Variants in LRRC4C observed in about 807,000 individuals in gnomAD.
LRRC4C encodes leucine-rich repeat-containing protein 4C.
Under a neutral mutation model 33.6 loss-of-function variants are expected in LRRC4C, and 5 were observed. The ratio of observed to expected loss-of-function variants is 0.15; its 90% CI spans 0.08 to 0.31. The LOEUF (loss-of-function observed/expected upper bound fraction) is 0.31, where lower values mean the gene tolerates loss of function less well. LRRC4C is among the 10% of genes least tolerant of loss of function. LRRC4C has a pLI of 1.00. For synonymous variants in LRRC4C, 329 were observed against 302.0 expected (o/e 1.09, Z -0.93); for missense variants, 560 against 796.7 (o/e 0.70, Z 3.58).
At chr11:40,330,295 T>C (rs1946301232) in intron 3 of LRRC4C, among the ~76,000 whole-genome samples, 1 of 152,188 alleles carries the variant, frequency 6.6e-6, no homozygotes, top group Non-Finnish European at 1.5e-5. Context: ...AAGTTAGCAT[T>C]AAAAATGTAG....
chr11:40,965,630 T>C (rs1366409565), intron 1 of LRRC4C, among the ~76,000 whole-genome samples: 1 of 152,174 alleles, frequency 6.6e-6, no homozygotes, highest in East Asian at 1.9e-4. Flanking sequence ...TAGGGAATCC[T>C]TTCCCCATTG....
chr11:41,058,411 C>T (rs1334386493), intron 1 of LRRC4C, among the ~76,000 whole-genome samples: 1 of 152,226 alleles, frequency 6.6e-6, no homozygotes. Context: ...CTCACTCATG[C>T]ACCCCTTACT....
chr11:40,863,807 A>G (rs1436233253), intron 2 of LRRC4C, among the ~76,000 whole-genome samples: 5 of 152,180 alleles, frequency 3.3e-5, no homozygotes, highest in African/African-American at 1.2e-4. Flanking sequence ...TAATTTTTCA[A>G]AAAGATATTT....
intron 1 of LRRC4C, among the ~76,000 whole-genome samples, chr11:41,061,896 G>C (rs1429229752): frequency 1.3e-5 from 2 of 152,124 alleles, no homozygotes; most frequent in Non-Finnish European, 2.9e-5. Flanking sequence ...CCTACCCTTG[G>C]AAGGTCTAAC....
chr11:41,035,528 G>C (rs1027121132), intron 1 of LRRC4C, among the ~76,000 whole-genome samples: 4 of 152,162 alleles, frequency 2.6e-5, no homozygotes, highest in Non-Finnish European at 4.4e-5. Flanking sequence ...ATGGCTTCCA[G>C]CTCCATCCAT....
chr11:40,486,765 C>G (rs1226438485), intron 3 of LRRC4C, among the ~76,000 whole-genome samples: 1 of 151,300 alleles, frequency 6.6e-6, no homozygotes, highest in East Asian at 1.9e-4. Context: ...TGCTACTCTT[C>G]TAATATTTTA....
intron 1 of LRRC4C, among the ~76,000 whole-genome samples, chr11:41,362,135 T>C (rs981073709): frequency 1.3e-5 from 2 of 152,164 alleles, no homozygotes; most frequent in African/African-American, 4.8e-5. Context: ...CTCACTCATA[T>C]CAGAGGACAG....
At position 40,912,712 on chromosome 11, in the gene LRRC4C, T is replaced by G. The variant is rs1473793700; in HGVS notation, c.-407+20923A>C. Among the ~76,000 whole-genome samples the G allele has an allele frequency of 1.1e-4, 16 of 152,208 alleles. 1 individual carries two copies. The East Asian group carries it at 2.9e-3, about 28-fold the overall frequency. ...CACATAACAATATTAACCTTAAATG[T>G]AAATGGGCTAAATGCTCCAATTAAA... On this transcript the variant is annotated intron_variant, in intron 2 of 6. Coordinates refer to ENST00000528697, the MANE Select transcript of LRRC4C (RefSeq NM_001258419.2).
At chr11:40,124,118 T>C (rs1856029331) in intron 6 of LRRC4C, among the ~76,000 whole-genome samples, 1 of 152,112 alleles carries the variant, frequency 6.6e-6, no homozygotes, top group Admixed American at 6.5e-5. Flanking sequence ...GACATTGTAA[T>C]GAGATATCAT....
intron 1 of LRRC4C, among the ~76,000 whole-genome samples, chr11:41,394,214 A>G (rs1157044999): frequency 6.6e-6 from 1 of 151,898 alleles, no homozygotes; most frequent in Non-Finnish European, 1.5e-5. Flanking sequence ...AGAGGCACTG[A>G]TTTCACTTGA....
intron 2 of LRRC4C, among the ~76,000 whole-genome samples, chr11:40,750,689 A>G (rs1213526511): frequency 6.7e-6 from 1 of 150,322 alleles, no homozygotes; most frequent in Non-Finnish European, 1.5e-5. Context: ...GCATTAGGAG[A>G]TATACCTAAT....
intron 3 of LRRC4C, among the ~76,000 whole-genome samples, chr11:40,555,822 C>T (rs1280074473): frequency 6.6e-6 from 1 of 152,108 alleles, no homozygotes; most frequent in African/African-American, 2.4e-5. Context: ...AAGCAACAGA[C>T]AATATTTGAT....
At chr11:40,260,237 A>C (rs1590846063) in intron 4 of LRRC4C, among the ~76,000 whole-genome samples, 1 of 126,250 alleles carries the variant, frequency 7.9e-6, no homozygotes, top group African/African-American at 3.0e-5. Context: ...AAAAATGATG[A>C]GTTCATGTCC....
At chr11:40,244,758 C>G (rs1037410) in intron 4 of LRRC4C, among the ~76,000 whole-genome samples, 1 of 151,576 alleles carries the variant, frequency 6.6e-6, no homozygotes, top group African/African-American at 2.4e-5. Flanking sequence ...CTGAAGTACA[C>G]GTTATGTAAA....
intron 2 of LRRC4C, among the ~76,000 whole-genome samples, chr11:40,864,317 C>G (rs1296928575): frequency 1.3e-5 from 2 of 152,070 alleles, no homozygotes; most frequent in Admixed American, 6.5e-5. Flanking sequence ...GATTCACCTG[C>G]CTTGGCCTCC....
chr11:41,096,717 C>T (rs935839521), intron 1 of LRRC4C, among the ~76,000 whole-genome samples: 16 of 152,152 alleles, frequency 1.1e-4, no homozygotes, highest in East Asian at 3.9e-4. Flanking sequence ...TGAATGCAAA[C>T]GGCAAAGATG....
intron 3 of LRRC4C, among the ~76,000 whole-genome samples, chr11:40,381,885 T>C (rs1265368010): frequency 6.6e-6 from 1 of 151,752 alleles, no homozygotes; most frequent in East Asian, 1.9e-4. Flanking sequence ...TCTTAAGCTA[T>C]GATTTTAGGG....
intron 2 of LRRC4C, among the ~76,000 whole-genome samples, chr11:40,886,406 T>TACACACACACAC (rs10629266): frequency 0.065 from 9,413 of 145,408 alleles, 356 homozygotes; most frequent in South Asian, 0.097. Context: ...TTTCAAATGC[T>TACACACACACAC]ACACACACAC....
chr11:40,679,597 G>C (rs1944575125), intron 2 of LRRC4C, among the ~76,000 whole-genome samples: 1 of 152,174 alleles, frequency 6.6e-6, no homozygotes, highest in African/African-American at 2.4e-5. Flanking sequence ...ACTGATGAAA[G>C]GGGCCAAGGT....
Sources: gnomAD v4.1 joint callset for allele counts (sites outside exome capture counted in the v4.1 genomes callset) on GRCh38, gnomAD v4.1.1 for gene constraint, MANE v1.5 for transcripts, NCBI Gene and HGNC (gene_info 2026-07-23, HGNC 2026-07-21) for gene names.